The following GPC6 variants were observed in gnomAD, a reference collection of about 807,000 sequenced individuals.
The protein encoded by GPC6 is glypican-6.
GPC6 carries 14 observed loss-of-function variants against 55.2 expected under a neutral mutation model. That is an observed-to-expected ratio of 0.25 (90% confidence interval 0.17 to 0.40). The LOEUF (loss-of-function observed/expected upper bound fraction) is 0.40. Among genes scored for constraint, GPC6 ranks in the 10% least tolerant of loss-of-function variants. The pLI is 1.00. For missense variants in GPC6, 641 were observed against 708.5 expected, an observed-to-expected ratio of 0.90 and a Z score of 1.08; for synonymous variants, 278 against 259.6, an observed-to-expected ratio of 1.07 and a Z score of -0.68.
At position 93,301,229 on chromosome 13, in the gene GPC6, C is replaced by T. The variant is rs77142634; in HGVS notation, c.160+73613C>T. 6.6e-3 allele frequency among the ~76,000 whole-genome samples: 1,009 copies of T among 152,284 alleles called. 4 individuals carry two copies. The highest frequency in any genetic ancestry group is 0.011 in the Non-Finnish European group (726 of 68,022). ...CTCAGGATCCTCCACTTCAAAGTGC[C>T]TGGAGTCTGAAATCTCGTGCTTCCT... On this transcript the variant is annotated intron_variant, in intron 1 of 8. Coordinates refer to ENST00000377047, the MANE Select transcript of GPC6 (RefSeq NM_005708.5).
At chr13:93,554,473 G>A (rs1167133330) in intron 2 of GPC6, among the ~76,000 whole-genome samples, 2 of 152,110 alleles carry the variant, frequency 1.3e-5, no homozygotes, top group African/African-American at 4.8e-5. Flanking sequence ...TCCTTGGTAA[G>A]TGTGATTGAA....
At chr13:94,133,842 G>T (rs1887091418) in intron 4 of GPC6, among the ~76,000 whole-genome samples, 1 of 151,994 alleles carries the variant, frequency 6.6e-6, no homozygotes, top group South Asian at 2.1e-4. Flanking sequence ...TGGAGCCATT[G>T]TGTGCAATAA....
At chr13:93,842,999 A>G (rs973346634) in intron 3 of GPC6, among the ~76,000 whole-genome samples, 1 of 151,966 alleles carries the variant, frequency 6.6e-6, no homozygotes, top group African/African-American at 2.4e-5. Flanking sequence ...TTATATTGCA[A>G]AATTATGTGT....
At chr13:93,486,952 A>C (rs1041856207) in intron 1 of GPC6, among the ~76,000 whole-genome samples, 3 of 151,916 alleles carry the variant, frequency 2.0e-5, no homozygotes, top group Admixed American at 6.6e-5. Flanking sequence ...TCAAAAAAAA[A>C]AAAAACAAAA....
chr13:93,252,958 A>T (rs1245577764), intron 1 of GPC6, among the ~76,000 whole-genome samples: 1 of 152,266 alleles, frequency 6.6e-6, no homozygotes, highest in Admixed American at 6.5e-5. Flanking sequence ...AATGGAAATC[A>T]GTTTGCAAAA....
chr13:93,767,921 C>T (rs1885173446), intron 2 of GPC6, among the ~76,000 whole-genome samples: 1 of 151,812 alleles, frequency 6.6e-6, no homozygotes, highest in African/African-American at 2.4e-5. Flanking sequence ...AGTCGTTTTT[C>T]TTTTTTCCCC....
At chr13:93,659,712 A>G (rs1880840083) in intron 2 of GPC6, among the ~76,000 whole-genome samples, 1 of 151,988 alleles carries the variant, frequency 6.6e-6, no homozygotes, top group Non-Finnish European at 1.5e-5. Flanking sequence ...TCAATAGTTA[A>G]TTGAGGCACA....
chr13:93,532,794 A>G (rs571858979), intron 1 of GPC6, among the ~76,000 whole-genome samples: 1 of 152,346 alleles, frequency 6.6e-6, no homozygotes, highest in East Asian at 1.9e-4. Context: ...CATCTAGAGT[A>G]GCATGTTTAA....
chr13:93,346,570 A>C (rs796412271), intron 1 of GPC6, among the ~76,000 whole-genome samples: 55 of 152,300 alleles, frequency 3.6e-4, no homozygotes, highest in African/African-American at 1.2e-3. Context: ...TTATGTCCCC[A>C]AGTGTAGAAA....
chr13:94,287,058 G>T (rs147486656), intron 5 of GPC6, among the ~76,000 whole-genome samples: 1 of 152,146 alleles, frequency 6.6e-6, no homozygotes, highest in Admixed American at 6.5e-5. Context: ...TCCTGGGTTT[G>T]CAGCTGTACA....
At chr13:94,038,796 G>A (rs1883427399) in intron 4 of GPC6, among the ~76,000 whole-genome samples, 1 of 151,908 alleles carries the variant, frequency 6.6e-6, no homozygotes, top group Non-Finnish European at 1.5e-5. Context: ...GGAAGCAAGA[G>A]AGTAAGCAAG....
intron 2 of GPC6, among the ~76,000 whole-genome samples, chr13:93,633,953 T>G (rs1269852136): frequency 1.3e-5 from 2 of 152,162 alleles, no homozygotes; most frequent in Admixed American, 6.5e-5. Context: ...TGTTTCCCAC[T>G]GCTTTCTCTA....
At chr13:93,456,895 A>G (rs1878474744) in intron 1 of GPC6, among the ~76,000 whole-genome samples, 1 of 152,094 alleles carries the variant, frequency 6.6e-6, no homozygotes, top group African/African-American at 2.4e-5. Context: ...CTTGAATTGT[A>G]ATAATCCCCA....
At chr13:93,419,977 G>A (rs535373269) in intron 1 of GPC6, among the ~76,000 whole-genome samples, 10 of 152,188 alleles carry the variant, frequency 6.6e-5, no homozygotes, top group African/African-American at 2.4e-4. Context: ...CAGCTGAATA[G>A]GAGAATAAAG....
chr13:93,886,070 C>G (rs1020521844), intron 3 of GPC6, among the ~76,000 whole-genome samples: 1 of 151,964 alleles, frequency 6.6e-6, no homozygotes, highest in Non-Finnish European at 1.5e-5. Context: ...GTGCATCTCA[C>G]AAAATGAATA....
Position 93,460,882 on chromosome 13 carries a change from T to A in GPC6, c.161-84381T>A, listed in dbSNP as rs138148121. 7.2e-5 allele frequency among the ~76,000 whole-genome samples: 11 copies of A among 152,328 alleles called. No individual in the cohort carries two copies. The East Asian group carries it at 2.1e-3, about 29-fold the overall frequency. On this transcript the variant is annotated intron_variant, in intron 1 of 8. Coordinates refer to ENST00000377047, the MANE Select transcript of GPC6 (RefSeq NM_005708.5). ...AGGTTTTAAAAATAAATTATATGTA[T>A]CTTGCACACCAATGTAATTATTACT...
At chr13:93,523,491 A>G (rs1881526748) in intron 1 of GPC6, among the ~76,000 whole-genome samples, 1 of 151,660 alleles carries the variant, frequency 6.6e-6, no homozygotes, top group South Asian at 2.1e-4. Context: ...ACACATACAT[A>G]TATGTGTATA....
intron 2 of GPC6, among the ~76,000 whole-genome samples, chr13:93,818,087 T>C (rs1886925106): frequency 6.8e-6 from 1 of 147,824 alleles, no homozygotes; most frequent in Admixed American, 6.8e-5. Context: ...ATATATTTAT[T>C]ATATGTATAT....
intron 1 of GPC6, among the ~76,000 whole-genome samples, chr13:93,314,817 A>G (rs1169945603): frequency 6.6e-6 from 1 of 152,108 alleles, no homozygotes; most frequent in Non-Finnish European, 1.5e-5. Flanking sequence ...ATCATTTTAT[A>G]GAAGAAGATT....
Sources: gnomAD v4.1 joint callset for allele counts (sites outside exome capture counted in the v4.1 genomes callset) on GRCh38, gnomAD v4.1.1 for gene constraint, MANE v1.5 for transcripts, NCBI Gene and HGNC (gene_info 2026-07-23, HGNC 2026-07-21) for gene names.